Variants in CTNND1 observed in about 807,000 individuals in gnomAD.
CTNND1 encodes the protein catenin delta-1.
In CTNND1, 16 loss-of-function variants were observed where a neutral mutation model predicts 112.1. The observed-to-expected ratio is 0.14, with a 90% CI of 0.10 to 0.22. The LOEUF is 0.22. CTNND1 is among the 10% of genes least tolerant of loss of function. The probability of loss-of-function intolerance (pLI) is 1.00; values close to 1 mark genes in which losing one functional copy is unlikely to be tolerated. For synonymous variants in CTNND1, 420 were observed against 446.5 expected (o/e 0.94, Z 0.75); for missense variants, 1,008 against 1,257.0 (o/e 0.80, Z 3.00).
At chr11:57,813,043 T>C (rs1394426314) in intron 17 of CTNND1, among the ~76,000 whole-genome samples, 1 of 152,166 alleles carries the variant, frequency 6.6e-6, no homozygotes, top group Non-Finnish European at 1.5e-5. Context: ...TGAAAAGACT[T>C]TTCTAGGCTG....
At chr11:57,810,303 TC>T in intron 16 of CTNND1, 80 bp downstream of exon 16, 2 of 1,060,502 alleles carry the variant, frequency 1.9e-6, no homozygotes, top group Non-Finnish European at 2.7e-6. Flanking sequence ...TTTCGTTTCT[TC>T]CATTTCACCA....
rs373190266 is a variant in CTNND1 at position 57,800,682 on chromosome 11, G to A, written c.957-1051G>A. ...CCTGTGAGGCAGGCCTTCTGCTCAG[G>A]GCAACCTTGAGTATTTGTTGACAGT... On this transcript the variant is annotated intron_variant, in intron 6 of 20. Transcript: ENST00000399050. 8.5e-5 allele frequency among the ~76,000 whole-genome samples: 13 copies of A among 152,290 alleles called. No homozygotes were observed. The East Asian group carries it at 2.5e-3, about 29-fold the overall frequency.
chr11:57,767,236 C>T (rs1951339806), intron 1 of CTNND1, among the ~76,000 whole-genome samples: 1 of 151,962 alleles, frequency 6.6e-6, no homozygotes, highest in Non-Finnish European at 1.5e-5. Flanking sequence ...TCCCAGATTA[C>T]AGTCTTGAGC....
chr11:57,802,158 G>C lies in CTNND1; in HGVS notation c.1382G>C (p.Arg461Pro). Residue 461 changes from arginine to proline, a missense_variant, in exon 7 of 21, where the codon CGA (arginine) becomes CCA (proline). By Grantham distance (103) the Arg-to-Pro change is moderately radical. Transcript: ENST00000399050. ...GTGCCTGCCCTTGTGCGATTGCTTC[G>C]AAAGGCTCGTGATATGGACCTTACT... ...DGVPALVRLLRKARDMDLTEV... is the reference protein window; with the variant it reads ...DGVPALVRLLPKARDMDLTEV... 1.9e-6 allele frequency: 3 copies of C among 1,613,784 alleles called. No individual in the cohort carries two copies. The highest frequency in any genetic ancestry group is 2.5e-6 in the Non-Finnish European group (3 of 1,179,788).
At chr11:57,799,234 G>A (rs2061715517) in intron 6 of CTNND1, among the ~76,000 whole-genome samples, 1 of 152,196 alleles carries the variant, frequency 6.6e-6, no homozygotes, top group East Asian at 1.9e-4. Context: ...GCAACCTAGA[G>A]CAGTGGTAGA....
At chr11:57,773,809 G>T (rs901865955) in intron 1 of CTNND1, among the ~76,000 whole-genome samples, 1 of 151,926 alleles carries the variant, frequency 6.6e-6, no homozygotes, top group Non-Finnish European at 1.5e-5. Flanking sequence ...GGGCGTGGTG[G>T]TGGGTACTTG....
chr11:57,795,402 C>T (rs1408594224), intron 4 of CTNND1, among the ~76,000 whole-genome samples, 175 bp from the exon 5 acceptor site: 1 of 152,190 alleles, frequency 6.6e-6, no homozygotes, highest in African/African-American at 2.4e-5. Flanking sequence ...ATTATGTCTA[C>T]TGTCCTTTTG....
chr11:57,798,344 CAAAAAAAAAA>C (rs71061542), intron 6 of CTNND1, among the ~76,000 whole-genome samples: 1 of 105,754 alleles, frequency 9.5e-6, no homozygotes, highest in South Asian at 3.1e-4. Flanking sequence ...GAGACTGTCT[CAAAAAAAAAA>C]AAAAAAAAGC....
chr11:57,791,501 C>T lies in CTNND1; in HGVS notation c.23C>T (p.Ser8Leu), dbSNP rs1591438329. ...TTCATGGACGACTCAGAGGTGGAGTCGACCGCCAGCATCTTGGCCTCTGTG... is the reference window on the plus strand; with the variant it reads ...TTCATGGACGACTCAGAGGTGGAGTTGACCGCCAGCATCTTGGCCTCTGTG... MDDSEVE[S>L]TASILASVKE... Residue 8 changes from serine to leucine, a missense_variant, in exon 3 of 21, where the codon TCG (serine) becomes TTG (leucine). Coordinates refer to ENST00000399050, the MANE Select transcript of CTNND1 (RefSeq NM_001085458.2). 20 of 1,561,500 alleles carry T rather than the reference C, an allele frequency of 1.3e-5. No homozygotes were observed. Among genetic ancestry groups the T allele is most frequent in the Non-Finnish European group, 1.6e-5 (19 of 1,153,252 alleles).
rs2137778418 is a variant in CTNND1 at position 57,819,264 on chromosome 11, T to G, written c.*2956T>G. 1 of 152,302 alleles carries G rather than the reference T, an allele frequency of 6.6e-6. No homozygotes were observed. The highest frequency in any genetic ancestry group is 1.9e-4 in the East Asian group (1 of 5,184). 9.4% of individuals were successfully genotyped at this position (152,302 alleles called of 1,614,324 possible). On this transcript the variant is annotated 3_prime_UTR_variant, in exon 21 of 21. Coordinates refer to ENST00000399050, the MANE Select transcript of CTNND1 (RefSeq NM_001085458.2). ...AGTGAGACCAGGAAATCAACTAGCT[T>G]TTAAAGCTTGATTTGTGTCTAACAA...
chr11:57,763,016 A>G (rs1219813693), intron 1 of CTNND1, among the ~76,000 whole-genome samples: 2 of 152,228 alleles, frequency 1.3e-5, no homozygotes, highest in Admixed American at 6.5e-5. Context: ...TTTAAAATAC[A>G]TTTCAGAAAA....
chr11:57,798,575 G>A (rs1403163006), intron 6 of CTNND1, among the ~76,000 whole-genome samples: 1 of 152,046 alleles, frequency 6.6e-6, no homozygotes, highest in Admixed American at 6.6e-5. Flanking sequence ...GTGGGGGTCG[G>A]GGGATACATT....
intron 11 of CTNND1, chr11:57,806,708 T>C (rs1050608778): frequency 3.2e-6 from 2 of 629,856 alleles, no homozygotes; most frequent in Non-Finnish European, 5.6e-6. Context: ...ACAGTGGTCA[T>C]CCTCATCTTA....
In CTNND1 at chr11:57,819,185, G is replaced by A. The variant is rs967322161; in HGVS notation, c.*2877G>A. The A allele has an allele frequency of 1.3e-5, 2 of 152,156 alleles. No homozygotes were observed. Among genetic ancestry groups the A allele is most frequent in the African/African-American group, 4.8e-5 (2 of 41,436 alleles). 9.4% of individuals were successfully genotyped at this position (152,156 alleles called of 1,614,324 possible). On this transcript the variant is annotated 3_prime_UTR_variant, in exon 21 of 21. Transcript: ENST00000399050. ...AAATTATATAGCTGCTCCTGATGATGGTCCTGTCTTGTTTTATTGAACTAG... is the reference window on the plus strand; with the variant it reads ...AAATTATATAGCTGCTCCTGATGATAGTCCTGTCTTGTTTTATTGAACTAG...
intron 13 of CTNND1, 21 bp from the exon 14 acceptor site, chr11:57,808,369 C>G: frequency 6.3e-7 from 1 of 1,598,236 alleles, no homozygotes; most frequent in East Asian, 2.3e-5. Flanking sequence ...TTGTTCCACC[C>G]CTTTCTATTT....
Position 57,816,524 on chromosome 11 carries a change from C to G in CTNND1, c.*216C>G. ...AACGCCTCCCCCTCCCCCATTCCCTCCATTTTTCTCCCAAGAAACCTGACT... is the reference window on the plus strand; with the variant it reads ...AACGCCTCCCCCTCCCCCATTCCCTGCATTTTTCTCCCAAGAAACCTGACT... On this transcript the variant is annotated 3_prime_UTR_variant, in exon 21 of 21. Transcript: ENST00000399050. 1.7e-6 allele frequency: 1 copy of G among 586,240 alleles called. No individual in the cohort carries two copies. Among genetic ancestry groups the G allele is most frequent in the Non-Finnish European group, 3.0e-6 (1 of 331,022 alleles). 36.3% of individuals were successfully genotyped at this position (586,240 alleles called of 1,614,324 possible).
chr11:57,767,617 C>A (rs1342728085), intron 1 of CTNND1, among the ~76,000 whole-genome samples: 1 of 151,980 alleles, frequency 6.6e-6, no homozygotes, highest in Non-Finnish European at 1.5e-5. Flanking sequence ...AAACATGTAA[C>A]CTAGGGCAAA....
intron 14 of CTNND1, 125 bp downstream of exon 14, chr11:57,808,665 T>G (rs1355602324): frequency 1.1e-6 from 1 of 891,838 alleles, no homozygotes; most frequent in African/African-American, 1.7e-5. Flanking sequence ...CGCTTCATAG[T>G]TTATGAATGC....
Position 57,802,037 on chromosome 11 carries a change from A to G in CTNND1, c.1261A>G (p.Lys421Glu), listed in dbSNP as rs1157196926. 2.5e-6 allele frequency: 4 copies of G among 1,613,920 alleles called. No individual in the cohort carries two copies. The highest frequency in any genetic ancestry group is 3.4e-6 in the Non-Finnish European group (4 of 1,179,908). The change falls in exon 7 of 21, where the codon AAA becomes GAA. Residue 421 changes from lysine to glutamate, a missense_variant. Physicochemically the swap from Lys to Glu is moderately conservative, Grantham distance 56. This residue lies in a region of CTNND1 where 216 missense variants were observed against 342.8 expected (regional missense o/e 0.63). Transcript: ENST00000399050. ...ACTGGTGGGATTGTTAGACCATCCC[A>G]AAAAGGAAGTGCACCTTGGAGCCTG... ...PVLVGLLDHP[K>E]KEVHLGACGA...
Sources: gnomAD v4.1 joint callset for allele counts (sites outside exome capture counted in the v4.1 genomes callset) on GRCh38, gnomAD v4.1.1 for gene constraint, gnomAD v4.1.1 regional missense constraint, MANE v1.5 for transcripts, NCBI Gene and HGNC (gene_info 2026-07-23, HGNC 2026-07-21) for gene names.